Variants in GRM8 observed in about 807,000 individuals in gnomAD.
GRM8 encodes metabotropic glutamate receptor 8.
GRM8 carries 47 observed loss-of-function variants against 87.2 expected under a neutral mutation model. The ratio of observed to expected loss-of-function variants is 0.54; its 90% CI spans 0.43 to 0.69. The LOEUF is 0.69. Ranked by LOEUF, GRM8 falls within the 30% of genes least tolerant of loss-of-function variation. The probability of loss-of-function intolerance (pLI) is 0.00; values close to 1 mark genes in which losing one functional copy is unlikely to be tolerated. For synonymous variants in GRM8, 396 were observed against 404.5 expected, an observed-to-expected ratio of 0.98 and a Z score of 0.25; for missense variants, 1,019 against 1,139.2, an observed-to-expected ratio of 0.89 and a Z score of 1.52.
At chr7:126,588,532 G>C (rs1796377253) in intron 8 of GRM8, among the ~76,000 whole-genome samples, 1 of 152,124 alleles carries the variant, frequency 6.6e-6, no homozygotes, top group South Asian at 2.1e-4. Context: ...ATTCACAAAA[G>C]CAAAGACGTG....
At chr7:126,791,021 G>A (rs768764294) in intron 6 of GRM8, among the ~76,000 whole-genome samples, 31 of 152,112 alleles carry the variant, frequency 2.0e-4, no homozygotes, top group South Asian at 1.0e-3. Flanking sequence ...AAATGACAGT[G>A]CCAGTGTTCT....
At chr7:126,595,843 T>G (rs918316001) in intron 8 of GRM8, among the ~76,000 whole-genome samples, 5 of 152,152 alleles carry the variant, frequency 3.3e-5, no homozygotes, top group Admixed American at 1.3e-4. Context: ...TATGATAGAA[T>G]GATTTATAGT....
At chr7:127,225,149 AG>A (rs1031081594) in intron 2 of GRM8, among the ~76,000 whole-genome samples, 1 of 152,246 alleles carries the variant, frequency 6.6e-6, no homozygotes, top group Non-Finnish European at 1.5e-5. Flanking sequence ...TCCTTCTGCC[AG>A]GGTCACTTTA....
chr7:126,695,221 G>C (rs980406786), intron 7 of GRM8, among the ~76,000 whole-genome samples: 1 of 151,990 alleles, frequency 6.6e-6, no homozygotes, highest in African/African-American at 2.4e-5. Flanking sequence ...TTTTTAAAGG[G>C]AATTCTGTTA....
chr7:126,862,811 T>A (rs1798244801), intron 6 of GRM8, among the ~76,000 whole-genome samples: 1 of 152,130 alleles, frequency 6.6e-6, no homozygotes, highest in African/African-American at 2.4e-5. Flanking sequence ...ATATCTTTTT[T>A]TATTTCTCAT....
Position 126,457,220 on chromosome 7 carries a change from G to A in GRM8, c.2431-10848C>T, listed in dbSNP as rs570054352. On this transcript the variant is annotated intron_variant, in intron 9 of 10. Transcript: ENST00000339582. ...ATAAATCAGTAAAAAAAATATCCACGGTGAAGGATGGAGACTATAAATATT... is the reference window on the plus strand; with the variant it reads ...ATAAATCAGTAAAAAAAATATCCACAGTGAAGGATGGAGACTATAAATATT... Among the ~76,000 whole-genome samples the A allele has an allele frequency of 9.2e-4, 139 of 151,304 alleles. 1 individual carries two copies. The Middle Eastern group carries it at 0.02, about 22-fold the overall frequency.
chr7:126,739,732 TACAGTCATGC>T (rs56346137), intron 7 of GRM8, among the ~76,000 whole-genome samples: 59,024 of 151,644 alleles, frequency 0.39, 12,651 homozygotes, highest in Non-Finnish European at 0.48. Flanking sequence ...AGCTATAAAT[TACAGTCATGC>T]ACCACACACA....
rs1293213156 is a variant in GRM8, at chr7:127,074,368, G to A, written c.727+32128C>T. Among the ~76,000 whole-genome samples, 6 of 152,212 alleles carry A rather than the reference G, an allele frequency of 3.9e-5. No homozygotes were observed. The East Asian group carries it at 1.2e-3, about 29-fold the overall frequency. On this transcript the variant is annotated intron_variant, in intron 3 of 10. Coordinates refer to ENST00000339582, the MANE Select transcript of GRM8 (RefSeq NM_000845.3). ...ACCCATCACATCTGAGCAGGAAATT[G>A]TGCAATATAGGCAAAGGACAAGGAC... is the stretch of plus-strand genomic sequence containing the variant.
At chr7:127,010,650 A>G (rs1814794508) in intron 3 of GRM8, among the ~76,000 whole-genome samples, 2 of 152,190 alleles carry the variant, frequency 1.3e-5, no homozygotes, top group African/African-American at 2.4e-5. Context: ...CAACATTGTG[A>G]TAGTTTCTCA....
chr7:126,728,907 T>C (rs762035691), intron 7 of GRM8, among the ~76,000 whole-genome samples: 20 of 152,280 alleles, frequency 1.3e-4, no homozygotes, highest in Non-Finnish European at 2.2e-4. Flanking sequence ...AGCCAGAAAG[T>C]TCTTTCCTGA....
chr7:126,857,498 A>C (rs1242386657), intron 6 of GRM8, among the ~76,000 whole-genome samples: 7 of 152,186 alleles, frequency 4.6e-5, no homozygotes, highest in Admixed American at 4.6e-4. Flanking sequence ...TGTTCTAAAA[A>C]AAGTTCACCT....
At chr7:126,596,032 A>G (rs1285127604) in intron 8 of GRM8, among the ~76,000 whole-genome samples, 1 of 152,138 alleles carries the variant, frequency 6.6e-6, no homozygotes, top group African/African-American at 2.4e-5. Context: ...GCTGAGCCAC[A>G]AGAATCGCTT....
intron 6 of GRM8, among the ~76,000 whole-genome samples, chr7:126,775,952 G>A (rs1819427040): frequency 6.6e-6 from 1 of 152,060 alleles, no homozygotes; most frequent in Non-Finnish European, 1.5e-5. Flanking sequence ...TCCAAATGCA[G>A]GCCTTTATTC....
chr7:127,197,618 G>A (rs1173381948), intron 2 of GRM8, among the ~76,000 whole-genome samples: 3 of 151,044 alleles, frequency 2.0e-5, no homozygotes, highest in African/African-American at 7.3e-5. Context: ...AGGGGGAACA[G>A]CAAAGGGAAA....
intron 3 of GRM8, among the ~76,000 whole-genome samples, chr7:127,061,772 G>T (rs1820615373): frequency 6.6e-6 from 1 of 152,120 alleles, no homozygotes; most frequent in Non-Finnish European, 1.5e-5. Context: ...CTCAATTCAG[G>T]CCTGCAGATG....
chr7:126,530,682 C>G (rs1443945298), intron 9 of GRM8, among the ~76,000 whole-genome samples: 1 of 152,228 alleles, frequency 6.6e-6, no homozygotes, highest in East Asian at 1.9e-4. Context: ...GACTGACCAG[C>G]TCTTTGGTCC....
chr7:126,890,003 ATAGTCATTAGCCACATT>A (rs1190503282), intron 6 of GRM8, among the ~76,000 whole-genome samples: 1 of 152,082 alleles, frequency 6.6e-6, no homozygotes, highest in Non-Finnish European at 1.5e-5. Flanking sequence ...GTCCAATATG[ATAGTCATTAGCCACATT>A]TAAATGTAAA....
chr7:127,015,047 A>G (rs1002304472), intron 3 of GRM8, among the ~76,000 whole-genome samples: 2 of 127,034 alleles, frequency 1.6e-5, no homozygotes, highest in African/African-American at 5.6e-5. Context: ...GAAGAAGAAG[A>G]AGAAGAAGAA....
chr7:126,938,350 GA>G (rs1376868700), intron 3 of GRM8, among the ~76,000 whole-genome samples: 1 of 152,086 alleles, frequency 6.6e-6, no homozygotes, highest in Non-Finnish European at 1.5e-5. Context: ...TACCCTCCCT[GA>G]AATGCCTTCC....
Sources: allele counts gnomAD v4.1 joint callset (sites outside exome capture counted in the v4.1 genomes callset), GRCh38; gene constraint gnomAD v4.1.1; transcripts MANE v1.5; gene names NCBI Gene and HGNC (gene_info 2026-07-23, HGNC 2026-07-21).